NUP35: variants seen among roughly 807,000 people sequenced by gnomAD.
The protein encoded by NUP35 is nucleoporin 35, also known as nucleoporin NUP35.
A neutral mutation model predicts 41.5 loss-of-function variants in NUP35; 25 were observed. That is an observed-to-expected ratio of 0.60 (90% CI 0.44 to 0.84). NUP35 has a LOEUF of 0.84. NUP35 is among the 40% of genes least tolerant of loss of function. The pLI, the probability that NUP35 is intolerant of heterozygous loss-of-function variation, is 0.00. For missense variants in NUP35, 396 were observed against 396.6 expected, an observed-to-expected ratio of 1.00 and a Z score of 0.01; for synonymous variants, 149 against 130.7, an observed-to-expected ratio of 1.14 and a Z score of -0.96.
chr2:183,118,130 AT>A (rs1206212352), intron 1 of NUP35, among the ~76,000 whole-genome samples: 2 of 152,208 alleles, frequency 1.3e-5, no homozygotes, highest in East Asian at 3.8e-4. Flanking sequence ...TTGATAATCA[AT>A]GGTCTACAAA....
upstream of NUP35, chr2:183,120,075 G>A (rs551672437): frequency 6.6e-6 from 1 of 152,380 alleles, no homozygotes; most frequent in Admixed American, 6.5e-5. Flanking sequence ...GTCTTGTGGA[G>A]GCTGAAGAAA....
chr2:183,128,215 C>A (rs111459171), intron 1 of NUP35, 72 bp from the exon 2 acceptor site: 1 of 1,215,344 alleles, frequency 8.2e-7, no homozygotes, highest in South Asian at 2.6e-5. Flanking sequence ...TAGATTCTTG[C>A]ATGTTTTTGT....
chr2:183,140,532 A>G (rs2705759), intron 4 of NUP35, among the ~76,000 whole-genome samples: 28,976 of 152,096 alleles, frequency 0.19, 3,678 homozygotes, highest in African/African-American at 0.34. Flanking sequence ...TAATAAATTC[A>G]GATGGTTTTA....
intron 4 of NUP35, among the ~76,000 whole-genome samples, chr2:183,140,476 G>T (rs568664216): frequency 2.2e-4 from 34 of 152,200 alleles, no homozygotes; most frequent in African/African-American, 7.9e-4. Flanking sequence ...CTACCATTGA[G>T]TGGTCTCTAG....
intron 3 of NUP35, among the ~76,000 whole-genome samples, chr2:183,132,221 C>T (rs891062067): frequency 3.3e-5 from 5 of 151,880 alleles, no homozygotes; most frequent in Non-Finnish European, 5.9e-5. Flanking sequence ...TGGGATTTGT[C>T]CTGTTGCCCA....
At chr2:183,135,218 A>T (rs1413789696) in intron 4 of NUP35, among the ~76,000 whole-genome samples, 1 of 152,208 alleles carries the variant, frequency 6.6e-6, no homozygotes, top group African/African-American at 2.4e-5. Flanking sequence ...GGATTAGGTC[A>T]TGGACATCAT....
At chr2:183,155,760 C>T (rs904331738) in intron 5 of NUP35, among the ~76,000 whole-genome samples, 4 of 152,024 alleles carry the variant, frequency 2.6e-5, no homozygotes, top group African/African-American at 9.7e-5. Context: ...GGTACCCACT[C>T]TTAAATCTGT....
intron 1 of NUP35, among the ~76,000 whole-genome samples, chr2:183,127,434 TAAAC>T (rs1684534308): frequency 6.6e-6 from 1 of 152,192 alleles, no homozygotes; most frequent in African/African-American, 2.4e-5. Context: ...ATTCTTGACT[TAAAC>T]TAATGATTAA....
chr2:183,128,294 A>C lies in NUP35; in HGVS notation c.48A>C (p.Glu16Asp). The change falls in exon 2 of 9, where the codon GAA becomes GAC. Residue 16 changes from glutamate to aspartate, a missense_variant. Coordinates refer to ENST00000295119, the MANE Select transcript of NUP35 (RefSeq NM_138285.5). ...ATTTTTTGATTCATGTAGGATCTGAACCAATGATGCTGGGTTCACCCACAT... is the reference window on the plus strand; with the variant it reads ...ATTTTTTGATTCATGTAGGATCTGACCCAATGATGCTGGGTTCACCCACAT... ...VEPQGPALGS[E>D]PMMLGSPTSP... The C allele has an allele frequency of 1.2e-6, 2 of 1,610,406 alleles. No individual in the cohort carries two copies. The highest frequency in any genetic ancestry group is 1.7e-6 in the Non-Finnish European group (2 of 1,177,830).
At chr2:183,152,798 G>A (rs984846993) in intron 5 of NUP35, among the ~76,000 whole-genome samples, 8 of 152,258 alleles carry the variant, frequency 5.3e-5, no homozygotes, top group African/African-American at 1.7e-4. Flanking sequence ...GTTATTATTA[G>A]CAAAGCTCCA....
At chr2:183,124,357 G>A (rs1027249387), upstream of NUP35, 3 of 1,599,060 alleles carry the variant, frequency 1.9e-6, no homozygotes, top group African/African-American at 4.0e-5. Flanking sequence ...CGGAAGTTAC[G>A]CAACCCCATA....
chr2:183,135,552 G>A (rs1575119158), intron 4 of NUP35, among the ~76,000 whole-genome samples: 2 of 152,156 alleles, frequency 1.3e-5, no homozygotes, highest in East Asian at 3.9e-4. Flanking sequence ...AACTAGTTTG[G>A]GAGTAAAAGT....
intron 4 of NUP35, 25 bp downstream of exon 4, chr2:183,133,648 T>C: frequency 6.4e-7 from 1 of 1,550,824 alleles, no homozygotes. Flanking sequence ...CTTTTTTTTT[T>C]TTTTTTTAAA....
At chr2:183,159,372 TA>T in intron 7 of NUP35, 115 bp from the exon 8 acceptor site, 4 of 818,956 alleles carry the variant, frequency 4.9e-6, no homozygotes, top group Non-Finnish European at 7.2e-6. Flanking sequence ...CAAGTTTAAT[TA>T]GAGCAAATAA....
intron 4 of NUP35, among the ~76,000 whole-genome samples, chr2:183,140,125 A>G (rs1214255274): frequency 1.3e-5 from 2 of 152,122 alleles, no homozygotes; most frequent in African/African-American, 2.4e-5. Context: ...AAACAACACA[A>G]ATTTATTGTG....
intron 1 of NUP35, among the ~76,000 whole-genome samples, chr2:183,125,979 A>C (rs1684455727): frequency 6.6e-6 from 1 of 152,130 alleles, no homozygotes; most frequent in South Asian, 2.1e-4. Flanking sequence ...TTAAGAGCCC[A>C]TTGTGCCCTC....
chr2:183,127,366 C>T (rs1475372580), intron 1 of NUP35, among the ~76,000 whole-genome samples: 2 of 151,778 alleles, frequency 1.3e-5, no homozygotes. Context: ...GATCCTCCTG[C>T]CTTGGCCTCC....
At chr2:183,132,497 A>G (rs1270093063) in intron 3 of NUP35, among the ~76,000 whole-genome samples, 1 of 152,228 alleles carries the variant, frequency 6.6e-6, no homozygotes, top group East Asian at 1.9e-4. Flanking sequence ...AGCTCAGGCT[A>G]CAGTGGGCTG....
In NUP35 at chr2:183,127,293, T is replaced by A. The variant is rs548236826; in HGVS notation, c.41-994T>A. On this transcript the variant is annotated intron_variant, in intron 1 of 8. Coordinates refer to ENST00000295119, the MANE Select transcript of NUP35 (RefSeq NM_138285.5). ...TGATTCTTTAATTTTTTTTTTTTTT[T>A]AAATAAAAAAGATGAGATCTCAGTG... 5.3e-5 allele frequency among the ~76,000 whole-genome samples: 8 copies of A among 151,808 alleles called. No individual in the cohort carries two copies. In the South Asian group the frequency reaches 1.5e-3, roughly 28 times the overall value.
Sources: allele counts gnomAD v4.1 joint callset (sites outside exome capture counted in the v4.1 genomes callset), GRCh38; gene constraint gnomAD v4.1.1; transcripts MANE v1.5; gene names NCBI Gene and HGNC (gene_info 2026-07-23, HGNC 2026-07-21).